The following RNPEP variants were observed in gnomAD, a reference collection of about 807,000 sequenced individuals.
The protein encoded by RNPEP is aminopeptidase B.
A neutral mutation model predicts 70.1 loss-of-function variants in RNPEP; 57 were observed. That is an observed-to-expected ratio of 0.81 (90% confidence interval 0.66 to 1.01). The LOEUF (loss-of-function observed/expected upper bound fraction) is 1.01, where lower values mean the gene tolerates loss of function less well. Ranked by LOEUF, RNPEP falls within the 50% of genes least tolerant of loss-of-function variation. The probability of loss-of-function intolerance (pLI) is 0.00; values close to 1 mark genes in which losing one functional copy is unlikely to be tolerated. For synonymous variants in RNPEP, 335 were observed against 357.4 expected (o/e 0.94, Z 0.71); for missense variants, 787 against 852.4 (o/e 0.92, Z 0.96).
chr1:201,989,243 GT>G, intron 2 of RNPEP, 139 bp from the exon 3 acceptor site: 1 of 1,237,948 alleles, frequency 8.1e-7, no homozygotes, highest in Non-Finnish European at 1.1e-6. Context: ...CACAGATTTA[GT>G]TTCTTGAAAC....
intron 3 of RNPEP, among the ~76,000 whole-genome samples, chr1:201,990,345 G>A (rs12044887): frequency 0.11 from 16,729 of 152,252 alleles, 1,011 homozygotes; most frequent in Middle Eastern, 0.18. Flanking sequence ...CTAAGCCTAC[G>A]GTGAGAGCAA....
At chr1:201,990,753 C>T (rs12030995) in intron 3 of RNPEP, among the ~76,000 whole-genome samples, 7,642 of 152,248 alleles carry the variant, frequency 0.05, 251 homozygotes, top group South Asian at 0.12. Flanking sequence ...TCTGGAAAGA[C>T]AAAGTGCCCT....
chr1:201,990,140 C>A (rs960365766), intron 3 of RNPEP, among the ~76,000 whole-genome samples: 1 of 152,196 alleles, frequency 6.6e-6, no homozygotes, highest in South Asian at 2.1e-4. Flanking sequence ...CCATCATGCC[C>A]GGCCTGGGAA....
intron 3 of RNPEP, among the ~76,000 whole-genome samples, chr1:201,989,842 AT>A (rs796951976): frequency 0.038 from 5,428 of 141,860 alleles, 268 homozygotes; most frequent in African/African-American, 0.12. Context: ...TGGGAAATGG[AT>A]TTTTTTTTTT....
At chr1:201,983,432 G>T in intron 1 of RNPEP, 1 of 1,461,020 alleles carries the variant, frequency 6.8e-7, no homozygotes, top group African/African-American at 1.4e-5. Flanking sequence ...ATCGCACACT[G>T]CCGTTTCTAA....
intron 4 of RNPEP, 199 bp downstream of exon 4, chr1:201,996,462 T>G: frequency 3.6e-6 from 2 of 563,142 alleles, no homozygotes; most frequent in Non-Finnish European, 6.3e-6. Flanking sequence ...GAGATGAGGT[T>G]CTTTGTGTGT....
In RNPEP at chr1:202,004,416, C is replaced by T. The variant is rs376709122; in HGVS notation, c.1714C>T (p.Arg572Trp). 19 of 1,614,038 alleles carry T rather than the reference C, an allele frequency of 1.2e-5. No homozygotes were observed. The African/African-American group carries it at 1.5e-4, about 12-fold the overall frequency. ...SISNARNAELRLRWGQIVLKN... is the reference protein window; with the variant it reads ...SISNARNAELWLRWGQIVLKN... ...CTCAAATGCCCGGAATGCAGAGCTC[C>T]GGCTGCGATGGGGCCAAATCGTCCT... Residue 572 changes from arginine to tryptophan, a missense_variant, in exon 10 of 11, where the codon CGG (arginine) becomes TGG (tryptophan). Arg to Trp is a moderately radical substitution (Grantham distance 101, BLOSUM62 -3). Transcript: ENST00000295640.
rs1683914836 is a variant in RNPEP, at chr1:202,003,410, C to T, written c.1600C>T (p.Gln534Ter). 1 of 1,614,020 alleles carries T rather than the reference C, an allele frequency of 6.2e-7. No individual in the cohort carries two copies. The highest frequency in any genetic ancestry group is 1.3e-5 in the African/African-American group (1 of 74,924). ...GGCCATCTCTCCCTGGAAGACCTAC[C>T]AGCTGGTCTACTTCCTGGATAAGAT... ...AVAISPWKTY[Q>*]LVYFLDKILQ... Residue 534 changes from glutamine to a stop codon, truncating the protein, a stop_gained, in exon 9 of 11, where the codon CAG becomes TAG. Coordinates refer to ENST00000295640, the MANE Select transcript of RNPEP (RefSeq NM_020216.4). LOFTEE classifies it high-confidence loss of function.
intron 1 of RNPEP, among the ~76,000 whole-genome samples, chr1:201,988,101 T>C (rs1683194704): frequency 6.8e-6 from 1 of 147,778 alleles, no homozygotes; most frequent in Non-Finnish European, 1.5e-5. Context: ...GATCACACCA[T>C]TGCACTCCAG....
At chr1:201,983,439 C>G (rs11802783) in intron 1 of RNPEP, 4 of 1,452,642 alleles carry the variant, frequency 2.8e-6, no homozygotes, top group Middle Eastern at 1.8e-4. Flanking sequence ...ACTGCCGTTT[C>G]TAACATTTTC....
intron 10 of RNPEP, among the ~76,000 whole-genome samples, 172 bp downstream of exon 10, chr1:202,004,668 A>T (rs956680490): frequency 1.3e-5 from 2 of 152,192 alleles, no homozygotes; most frequent in Non-Finnish European, 2.9e-5. Flanking sequence ...CTTTGAAGGC[A>T]TTGCCCTAGG....
chr1:202,001,111 A>G (rs1683782940), intron 6 of RNPEP: 10 of 446,046 alleles, frequency 2.2e-5, no homozygotes, highest in Non-Finnish European at 3.6e-5. Flanking sequence ...GCCCTCTGAG[A>G]TCTTGGAAGT....
At chr1:201,992,746 A>G (rs924473561) in intron 3 of RNPEP, among the ~76,000 whole-genome samples, 1 of 152,002 alleles carries the variant, frequency 6.6e-6, no homozygotes, top group African/African-American at 2.4e-5. Context: ...CCTTTTCTCT[A>G]CTTCTATAAG....
Position 201,997,352 on chromosome 1 carries a change from A to G in RNPEP, c.888A>G (p.Pro296=), listed in dbSNP as rs1287318418. 1 of 1,613,754 alleles carries G rather than the reference A, an allele frequency of 6.2e-7. No homozygotes were observed. The highest frequency in any genetic ancestry group is 1.7e-5 in the Admixed American group (1 of 59,984). The part of the protein sequence containing the change: ...YDLLFMPPSF[P]FGGMENPCLT... Reference sequence around the variant, plus strand: ...TGCTCTTCATGCCACCGTCCTTTCCATTTGGAGGAATGGAGAACCCTTGTC... The same window carrying G: ...TGCTCTTCATGCCACCGTCCTTTCCGTTTGGAGGAATGGAGAACCCTTGTC... The change falls in exon 5 of 11, where the codon CCA becomes CCG. Residue 296 remains proline (P), a synonymous_variant. Coordinates refer to ENST00000295640, the MANE Select transcript of RNPEP (RefSeq NM_020216.4).
At chr1:202,000,964 GA>G in intron 6 of RNPEP, 1 of 176,336 alleles carries the variant, frequency 5.7e-6, no homozygotes, top group Non-Finnish European at 1.2e-5. Context: ...AATAGGGATG[GA>G]AAAGACACAG....
intron 1 of RNPEP, among the ~76,000 whole-genome samples, chr1:201,984,334 G>T (rs1027484420): frequency 3.9e-5 from 6 of 152,182 alleles, no homozygotes; most frequent in Non-Finnish European, 8.8e-5. Flanking sequence ...TGCAGCAAAG[G>T]CAGGAAGACT....
At position 201,994,856 on chromosome 1, in the gene RNPEP, T is replaced by C. The variant is rs867495324; in HGVS notation, c.738-1291T>C. ...TAATTTTTTTTTTTTTTTTTTTTTTTTTTAGTAGAAACAGCCTTTCACCAT... is the reference window on the plus strand; with the variant it reads ...TAATTTTTTTTTTTTTTTTTTTTTTCTTTAGTAGAAACAGCCTTTCACCAT... On this transcript the variant is annotated intron_variant, in intron 3 of 10. Transcript: ENST00000295640. Among the ~76,000 whole-genome samples the C allele has an allele frequency of 1.8e-3, 269 of 149,814 alleles. 2 individuals are homozygous for C. In the South Asian group the frequency reaches 0.022, roughly 12 times the overall value.
Position 201,999,904 on chromosome 1 carries a change from G to T in RNPEP, c.1093G>T (p.Ala365Ser), listed in dbSNP as rs765846112. 2 of 1,612,478 alleles carry T rather than the reference G, an allele frequency of 1.2e-6. No individual in the cohort carries two copies. The highest frequency in any genetic ancestry group is 1.7e-6 in the Non-Finnish European group (2 of 1,179,110). The change falls in exon 6 of 11, where the codon GCT becomes TCT. Residue 365 changes from alanine (A) to serine (S), a missense_variant and splice_region_variant. Coordinates refer to ENST00000295640, the MANE Select transcript of RNPEP (RefSeq NM_020216.4). ...GCTTACGTTTGATTCTGCACCAGGC[G>T]CTGCGTACACCTGCTTGGAGGCTGC... ...QRRISTILFG[A>S]AYTCLEAATG...
At chr1:202,004,328 A>G in intron 9 of RNPEP, 26 bp from the exon 10 acceptor site, 1 of 1,613,532 alleles carries the variant, frequency 6.2e-7, no homozygotes, top group Middle Eastern at 1.7e-4. Context: ...GTGACCAGCC[A>G]CAAACCATTT....
Sources: allele counts gnomAD v4.1 joint callset (sites outside exome capture counted in the v4.1 genomes callset), GRCh38; gene constraint gnomAD v4.1.1; transcripts MANE v1.5; gene names NCBI Gene and HGNC (gene_info 2026-07-23, HGNC 2026-07-21).